The following GALNT17 variants were observed in gnomAD, a reference collection of about 807,000 sequenced individuals.
The protein encoded by GALNT17 is polypeptide N-acetylgalactosaminyltransferase 17, also known as UDP-GalNAc:polypeptide N-acetylgalactosaminyltransferase-like 3.
GALNT17 carries 29 observed loss-of-function variants against 63.7 expected under a neutral mutation model. That is an observed-to-expected ratio of 0.46 (90% CI 0.34 to 0.62). The LOEUF is 0.62. Among genes scored for constraint, GALNT17 ranks in the 20% least tolerant of loss-of-function variants. The pLI is 0.01. For missense variants in GALNT17, 603 were observed against 799.6 expected, an observed-to-expected ratio of 0.75 and a Z score of 2.97; for synonymous variants, 305 against 318.3, an observed-to-expected ratio of 0.96 and a Z score of 0.45.
At chr7:71,437,971 C>T (rs1266099943) in intron 5 of GALNT17, among the ~76,000 whole-genome samples, 1 of 152,104 alleles carries the variant, frequency 6.6e-6, no homozygotes, top group Non-Finnish European at 1.5e-5. Context: ...CCTTGGCCTC[C>T]CAAAGTGCTG....
intron 1 of GALNT17, among the ~76,000 whole-genome samples, chr7:71,320,205 T>G (rs1444700354): frequency 6.6e-6 from 1 of 152,092 alleles, no homozygotes; most frequent in Admixed American, 6.5e-5. Context: ...CAGTCTGCAT[T>G]TGCTGAACAA....
At chr7:71,289,365 T>A (rs1238338998) in intron 1 of GALNT17, among the ~76,000 whole-genome samples, 2 of 152,178 alleles carry the variant, frequency 1.3e-5, no homozygotes, top group Non-Finnish European at 2.9e-5. Flanking sequence ...TATTTATATG[T>A]AGTTTGGTTT....
chr7:71,493,389 C>A (rs1328275838), intron 5 of GALNT17, among the ~76,000 whole-genome samples: 1 of 152,160 alleles, frequency 6.6e-6, no homozygotes, highest in Non-Finnish European at 1.5e-5. Flanking sequence ...TGTGTTAGTC[C>A]ATTTTCACAC....
At chr7:71,596,317 C>T (rs1206422246) in intron 6 of GALNT17, among the ~76,000 whole-genome samples, 3 of 152,042 alleles carry the variant, frequency 2.0e-5, no homozygotes, top group Admixed American at 6.5e-5. Flanking sequence ...GGATTACAGG[C>T]GTGAGCCACT....
intron 1 of GALNT17, among the ~76,000 whole-genome samples, chr7:71,224,895 A>T (rs1053423512): frequency 1.3e-5 from 2 of 152,186 alleles, no homozygotes; most frequent in African/African-American, 4.8e-5. Context: ...CAACCCATGA[A>T]CCAAAATACT....
At chr7:71,540,035 C>T (rs902166528) in intron 5 of GALNT17, among the ~76,000 whole-genome samples, 59 of 143,084 alleles carry the variant, frequency 4.1e-4, no homozygotes, top group African/African-American at 1.5e-3. Context: ...CTCAATCAGT[C>T]TTCCTGCCTC....
chr7:71,562,469 A>G (rs1428575090), intron 5 of GALNT17, among the ~76,000 whole-genome samples: 4 of 152,180 alleles, frequency 2.6e-5, no homozygotes, highest in Admixed American at 2.6e-4. Context: ...TGTTCCTGCA[A>G]CTAGAGGGTC....
chr7:71,315,975 T>C (rs1791491262), intron 1 of GALNT17, among the ~76,000 whole-genome samples: 1 of 152,146 alleles, frequency 6.6e-6, no homozygotes, highest in Non-Finnish European at 1.5e-5. Flanking sequence ...GTCTGTCAAC[T>C]ACGGTGAGAG....
chr7:71,591,236 A>G (rs2116916474), intron 6 of GALNT17, among the ~76,000 whole-genome samples: 1 of 151,502 alleles, frequency 6.6e-6, no homozygotes, highest in East Asian at 2.0e-4. Flanking sequence ...TTGTATTTTG[A>G]GTAGAGACAG....
At chr7:71,257,997 C>T (rs1458950100) in intron 1 of GALNT17, among the ~76,000 whole-genome samples, 1 of 152,138 alleles carries the variant, frequency 6.6e-6, no homozygotes, top group Non-Finnish European at 1.5e-5. Context: ...CCCAAATCAT[C>T]GCTCCCCTCG....
chr7:71,334,725 C>T (rs927526179), intron 1 of GALNT17, among the ~76,000 whole-genome samples: 6 of 152,122 alleles, frequency 3.9e-5, no homozygotes, highest in African/African-American at 1.4e-4. Flanking sequence ...TGTTATCACC[C>T]GTGTGGGTTT....
chr7:71,688,121 C>G (rs1791388710), intron 9 of GALNT17, among the ~76,000 whole-genome samples: 1 of 152,076 alleles, frequency 6.6e-6, no homozygotes, highest in Admixed American at 6.6e-5. Context: ...GGTTCTGAAC[C>G]ACTTATTTTC....
chr7:71,443,671 A>G (rs765942643), intron 5 of GALNT17, among the ~76,000 whole-genome samples: 6 of 152,014 alleles, frequency 3.9e-5, no homozygotes, highest in Non-Finnish European at 8.8e-5. Flanking sequence ...TACAGCTTGC[A>G]AAACCATGAG....
chr7:71,559,802 G>A (rs1174080807), intron 5 of GALNT17, among the ~76,000 whole-genome samples: 1 of 151,982 alleles, frequency 6.6e-6, no homozygotes, highest in African/African-American at 2.4e-5. Flanking sequence ...CGAGGCTGCA[G>A]TGAGCCGAGA....
chr7:71,510,888 C>T (rs1366284813), intron 5 of GALNT17, among the ~76,000 whole-genome samples: 2 of 152,014 alleles, frequency 1.3e-5, no homozygotes, highest in African/African-American at 4.8e-5. Context: ...TTGGACCAGC[C>T]GAGGCTGGAT....
chr7:71,640,579 C>T (rs1334685606), intron 6 of GALNT17, among the ~76,000 whole-genome samples: 1 of 151,982 alleles, frequency 6.6e-6, no homozygotes, highest in East Asian at 1.9e-4. Context: ...CTTGACTACT[C>T]TCAAATTTAT....
chr7:71,394,422 C>T (rs185057139), intron 3 of GALNT17, among the ~76,000 whole-genome samples: 33 of 152,256 alleles, frequency 2.2e-4, no homozygotes, highest in East Asian at 2.1e-3. Context: ...CCATATCACT[C>T]GGCCCCCTCC....
chr7:71,280,410 A>G (rs760140018), intron 1 of GALNT17, among the ~76,000 whole-genome samples: 1 of 152,192 alleles, frequency 6.6e-6, no homozygotes, highest in Non-Finnish European at 1.5e-5. Context: ...TCACTATGCC[A>G]TCCTACCTCT....
intron 1 of GALNT17, among the ~76,000 whole-genome samples, chr7:71,178,230 C>A (rs1788673135): frequency 6.6e-6 from 1 of 152,128 alleles, no homozygotes; most frequent in East Asian, 1.9e-4. Context: ...TTAAAGATAT[C>A]ATTCTGTAGT....
Sources: allele counts gnomAD v4.1 joint callset (sites outside exome capture counted in the v4.1 genomes callset), GRCh38; gene constraint gnomAD v4.1.1; transcripts MANE v1.5; gene names NCBI Gene and HGNC (gene_info 2026-07-23, HGNC 2026-07-21).